The following ADAMTSL1 variants were observed in gnomAD, a reference collection of about 807,000 sequenced individuals.
ADAMTSL1 encodes the protein ADAMTS like 1.
Under a neutral mutation model 201.8 loss-of-function variants are expected in ADAMTSL1, and 126 were observed. The ratio of observed to expected loss-of-function variants is 0.62; its 90% CI spans 0.54 to 0.72. The LOEUF (loss-of-function observed/expected upper bound fraction) is 0.72, where lower values mean the gene tolerates loss of function less well. Ranked by LOEUF, ADAMTSL1 falls within the 30% of genes least tolerant of loss-of-function variation. The probability of loss-of-function intolerance (pLI) is 0.00; values close to 1 mark genes in which losing one functional copy is unlikely to be tolerated. For missense variants in ADAMTSL1, 2,679 were observed against 2,277.8 expected (o/e 1.18, Z -3.59); for synonymous variants, 1,121 against 903.4 (o/e 1.24, Z -4.32).
chr9:18,127,541 G>T (rs1302265870), intron 1 of ADAMTSL1, among the ~76,000 whole-genome samples: 13 of 148,868 alleles, frequency 8.7e-5, no homozygotes, highest in Non-Finnish European at 8.9e-5. Context: ...TTTAATAGAA[G>T]GAGAATACTA....
At chr9:18,077,134 T>C (rs780252386) in intron 1 of ADAMTSL1, among the ~76,000 whole-genome samples, 2 of 152,138 alleles carry the variant, frequency 1.3e-5, no homozygotes, top group African/African-American at 2.4e-5. Context: ...ACCAGTGGAA[T>C]TTCTCATGCC....
chr9:18,847,996 T>C (rs1307371257), intron 23 of ADAMTSL1, among the ~76,000 whole-genome samples: 1 of 152,236 alleles, frequency 6.6e-6, no homozygotes, highest in African/African-American at 2.4e-5. Flanking sequence ...TTGGAAACCA[T>C]GTGGCCAACT....
chr9:18,099,339 ATATATATATATATATATTTTTTTTTTTT>A (rs1824393418), intron 1 of ADAMTSL1, among the ~76,000 whole-genome samples: 3 of 44,314 alleles, frequency 6.8e-5, no homozygotes, highest in African/African-American at 2.5e-4. Context: ...ATATATATAT[ATATATATATATATATATTTTTTTTTTTT>A]TTTTTAACAT....
intron 2 of ADAMTSL1, among the ~76,000 whole-genome samples, chr9:18,187,060 T>G (rs926667343): frequency 6.6e-6 from 1 of 152,166 alleles, no homozygotes; most frequent in Non-Finnish European, 1.5e-5. Flanking sequence ...CAAAATTGTT[T>G]CTGGGTCACC....
chr9:18,645,311 G>T (rs1185094270), intron 7 of ADAMTSL1, among the ~76,000 whole-genome samples: 1 of 152,180 alleles, frequency 6.6e-6, no homozygotes, highest in African/African-American at 2.4e-5. Flanking sequence ...TGAGTAGATT[G>T]TTAAAATTTT....
chr9:18,166,387 A>G (rs1250457229), intron 2 of ADAMTSL1, among the ~76,000 whole-genome samples: 1 of 151,966 alleles, frequency 6.6e-6, no homozygotes, highest in East Asian at 1.9e-4. Flanking sequence ...TGAGAATTCC[A>G]TCACGGAATA....
intron 5 of ADAMTSL1, among the ~76,000 whole-genome samples, chr9:18,633,646 T>C (rs1461335211): frequency 6.6e-6 from 1 of 151,682 alleles, no homozygotes; most frequent in Non-Finnish European, 1.5e-5. Context: ...AACTTTTTTT[T>C]TTTTTTTTTT....
rs974832509 is a variant in ADAMTSL1 at position 18,085,094 on chromosome 9, G to A, written c.88-78768G>A. ...AGCATGCTAGTGTGTTTAATAGAGAGCAAGGAGGTGATGAGACTGGAGTGG... is the reference window on the plus strand; with the variant it reads ...AGCATGCTAGTGTGTTTAATAGAGAACAAGGAGGTGATGAGACTGGAGTGG... On this transcript the variant is annotated intron_variant, in intron 1 of 29. Coordinates refer to the ADAMTSL1 transcript ENST00000680146. Among the ~76,000 whole-genome samples, 18 of 152,088 alleles carry A rather than the reference G, an allele frequency of 1.2e-4. 1 individual carries two copies. The highest frequency in any genetic ancestry group is 4.1e-4 in the African/African-American group (17 of 41,412).
chr9:18,581,135 C>G (rs564440037), intron 4 of ADAMTSL1, among the ~76,000 whole-genome samples: 2 of 152,202 alleles, frequency 1.3e-5, no homozygotes, highest in Non-Finnish European at 2.9e-5. Context: ...TTGCCTCTTC[C>G]TAACTTCTAA....
intron 26 of ADAMTSL1, among the ~76,000 whole-genome samples, chr9:18,895,267 T>C (rs1230449051): frequency 6.6e-6 from 1 of 152,194 alleles, no homozygotes; most frequent in Non-Finnish European, 1.5e-5. Context: ...TGTTCTCTTA[T>C]AGAAGCATCA....
intron 1 of ADAMTSL1, among the ~76,000 whole-genome samples, chr9:17,907,915 T>G (rs1415432135): frequency 2.0e-5 from 3 of 152,216 alleles, no homozygotes; most frequent in Non-Finnish European, 4.4e-5. Flanking sequence ...ACCCAAATAC[T>G]CTTGGCCGGA....
At chr9:18,311,012 T>C (rs1336858381) in intron 2 of ADAMTSL1, among the ~76,000 whole-genome samples, 1 of 150,104 alleles carries the variant, frequency 6.7e-6, no homozygotes, top group Non-Finnish European at 1.5e-5. Flanking sequence ...CACCATGGAA[T>C]ACTATGCAGC....
chr9:18,269,924 C>G (rs1346488228), intron 2 of ADAMTSL1, among the ~76,000 whole-genome samples: 9 of 150,682 alleles, frequency 6.0e-5, no homozygotes, highest in Admixed American at 6.0e-4. Flanking sequence ...GTTATTAGCT[C>G]AATACAGTGA....
intron 2 of ADAMTSL1, among the ~76,000 whole-genome samples, chr9:18,411,627 A>G (rs74407921): frequency 0.084 from 12,739 of 152,280 alleles, 743 homozygotes; most frequent in Non-Finnish European, 0.13. Flanking sequence ...AGAATAGTAA[A>G]ACACACCTAA....
At chr9:18,546,692 A>C (rs1210004692) in intron 3 of ADAMTSL1, among the ~76,000 whole-genome samples, 1 of 152,168 alleles carries the variant, frequency 6.6e-6, no homozygotes, top group Non-Finnish European at 1.5e-5. Flanking sequence ...AGATATTGGA[A>C]GTAATTTAGA....
At chr9:18,060,673 T>C (rs1203256514) in intron 1 of ADAMTSL1, among the ~76,000 whole-genome samples, 2 of 152,174 alleles carry the variant, frequency 1.3e-5, no homozygotes, top group Non-Finnish European at 2.9e-5. Flanking sequence ...ACCCTACTGA[T>C]TTTAGTCAGG....
At chr9:18,652,320 G>A (rs1828336397) in intron 7 of ADAMTSL1, among the ~76,000 whole-genome samples, 1 of 135,760 alleles carries the variant, frequency 7.4e-6, no homozygotes, top group African/African-American at 2.8e-5. Flanking sequence ...TACAAAGATT[G>A]CACCATTGTA....
At chr9:18,638,349 T>C (rs190335618) in intron 6 of ADAMTSL1, among the ~76,000 whole-genome samples, 25 of 152,202 alleles carry the variant, frequency 1.6e-4, no homozygotes, top group African/African-American at 5.8e-4. Flanking sequence ...AGCACTCCAT[T>C]TTTCTGCTGA....
intron 2 of ADAMTSL1, among the ~76,000 whole-genome samples, chr9:18,516,531 G>A (rs951461506): frequency 6.6e-6 from 1 of 152,174 alleles, no homozygotes; most frequent in Non-Finnish European, 1.5e-5. Context: ...CACATGTTGT[G>A]GGAACCAGAA....
Sources: gnomAD v4.1 joint callset for allele counts (sites outside exome capture counted in the v4.1 genomes callset) on GRCh38, gnomAD v4.1.1 for gene constraint, MANE v1.5 for transcripts, NCBI Gene and HGNC (gene_info 2026-07-23, HGNC 2026-07-21) for gene names.